Variants in ANXA6 observed in about 807,000 individuals in gnomAD.
ANXA6 encodes annexin A6, also known as 67 kDa calelectrin.
A neutral mutation model predicts 95.4 loss-of-function variants in ANXA6; 71 were observed. That is an observed-to-expected ratio of 0.74 (90% CI 0.61 to 0.91). The LOEUF (loss-of-function observed/expected upper bound fraction) is 0.91, where lower values mean the gene tolerates loss of function less well. ANXA6 is among the 40% of genes least tolerant of loss of function. The pLI is 0.00. For missense variants in ANXA6, 830 were observed against 876.4 expected (o/e 0.95, Z 0.67); for synonymous variants, 289 against 315.9 (o/e 0.91, Z 0.90).
intron 7 of ANXA6, 94 bp from the exon 8 acceptor site, chr5:151,134,577 C>G (rs1765605694): frequency 7.8e-7 from 1 of 1,283,336 alleles, no homozygotes; most frequent in Admixed American, 1.7e-5. Context: ...AGCAGGAAAA[C>G]CCTGGTGGCC....
At chr5:151,138,125 C>T (rs138007320) in intron 5 of ANXA6, among the ~76,000 whole-genome samples, 24 of 152,302 alleles carry the variant, frequency 1.6e-4, no homozygotes, top group African/African-American at 5.8e-4. Flanking sequence ...ACTTTATAGA[C>T]TGTAAAGTGC....
In ANXA6 at chr5:151,101,392, T is replaced by A. The variant is rs987837108; in HGVS notation, c.*56A>T. 5 of 1,109,570 alleles carry A rather than the reference T, an allele frequency of 4.5e-6. No homozygotes were observed. Among genetic ancestry groups the A allele is most frequent in the Non-Finnish European group, 4.9e-6 (4 of 809,658 alleles). 68.7% of individuals were successfully genotyped at this position (1,109,570 alleles called of 1,614,324 possible). The stretch of plus-strand genomic sequence containing the variant: ...GAGCTGGAACAATCAGGCTTGGCCA[T>A]GGCGGCTGGTGCTGATAACCATTTC... On this transcript the variant is annotated 3_prime_UTR_variant, in exon 26 of 26. Coordinates refer to ENST00000354546, the MANE Select transcript of ANXA6 (RefSeq NM_001155.5).
chr5:151,111,495 G>A (rs1764847999), intron 20 of ANXA6, among the ~76,000 whole-genome samples: 1 of 152,218 alleles, frequency 6.6e-6, no homozygotes, highest in Admixed American at 6.5e-5. Context: ...AAAGGCATAT[G>A]CCATTTGATC....
In ANXA6 at chr5:151,100,862, CAG is replaced by C. The variant is rs1164544258; in HGVS notation, c.*584_*585del. On this transcript the variant is annotated 3_prime_UTR_variant, in exon 26 of 26. Transcript: ENST00000354546. The stretch of plus-strand genomic sequence containing the variant: ...CATTGTAGATAAGAAAATAGAGACT[CAG>C]GGAGGGAAAGGGGCTGGCCTAAGGT... 2.2e-6 allele frequency: 1 copy of C among 456,016 alleles called. No individual in the cohort carries two copies. The highest frequency in any genetic ancestry group is 6.9e-5 in the East Asian group (1 of 14,404). The allele number at this position is 456,016 out of a possible 1,614,324, so 28.2% of individuals were successfully genotyped here. A position where few individuals can be genotyped will look rare whatever the true frequency, so the allele number is the denominator to read the frequency against.
At chr5:151,133,269 G>T in intron 8 of ANXA6, 82 bp from the exon 9 acceptor site, 1 of 908,506 alleles carries the variant, frequency 1.1e-6, no homozygotes, top group Non-Finnish European at 1.8e-6. Context: ...CAGAACTGCT[G>T]CCTGATCCCT....
At chr5:151,124,825 A>C (rs1765273139) in intron 14 of ANXA6, among the ~76,000 whole-genome samples, 1 of 152,150 alleles carries the variant, frequency 6.6e-6, no homozygotes, top group African/African-American at 2.4e-5. Context: ...GAGTTTCCCA[A>C]ATTTCAGTCA....
At chr5:151,131,418 G>C in intron 10 of ANXA6, 129 bp from the exon 11 acceptor site, 2 of 920,414 alleles carry the variant, frequency 2.2e-6, no homozygotes, top group Non-Finnish European at 3.5e-6. Flanking sequence ...CACCGTTCCT[G>C]ATAGCTCACA....
intron 1 of ANXA6, among the ~76,000 whole-genome samples, chr5:151,148,786 G>A (rs1766032790): frequency 6.6e-6 from 1 of 152,158 alleles, no homozygotes; most frequent in African/African-American, 2.4e-5. Flanking sequence ...GTGCAAGTGA[G>A]GAACCACCAC....
chr5:151,126,657 C>A (rs569673870), intron 13 of ANXA6, among the ~76,000 whole-genome samples, 177 bp from the exon 14 acceptor site: 12 of 152,258 alleles, frequency 7.9e-5, no homozygotes, highest in African/African-American at 2.9e-4. Flanking sequence ...TCGCCAGAGT[C>A]CTCCCTCCAT....
At chr5:151,142,558 T>C (rs1480930165) in intron 2 of ANXA6, among the ~76,000 whole-genome samples, 2 of 151,984 alleles carry the variant, frequency 1.3e-5, no homozygotes, top group Non-Finnish European at 2.9e-5. Flanking sequence ...GACCTTTTAG[T>C]TCAGCTTCCC....
chr5:151,127,385 T>C (rs1765354370), intron 13 of ANXA6, among the ~76,000 whole-genome samples: 1 of 152,230 alleles, frequency 6.6e-6, no homozygotes, highest in Non-Finnish European at 1.5e-5. Context: ...AATGTCCCAA[T>C]TTAACATTCT....
chr5:151,141,539 G>C (rs1421003090), intron 2 of ANXA6: 1 of 985,396 alleles, frequency 1.0e-6, no homozygotes, highest in East Asian at 1.1e-4. Context: ...TTGCCTTCAA[G>C]GAGTCAGAGG....
chr5:151,122,889 C>G (rs1387945410), intron 16 of ANXA6, 28 bp downstream of exon 16: 1 of 1,604,812 alleles, frequency 6.2e-7, no homozygotes, highest in Non-Finnish European at 8.5e-7. Context: ...ATGCATGTTG[C>G]ACAGAGAGCC....
intron 20 of ANXA6, among the ~76,000 whole-genome samples, chr5:151,114,269 G>C (rs1427364541): frequency 1.3e-5 from 2 of 152,104 alleles, no homozygotes; most frequent in Non-Finnish European, 2.9e-5. Flanking sequence ...CACTTTAAAT[G>C]GGTCAATAGT....
At chr5:151,105,377 C>A in intron 23 of ANXA6, 74 bp from the exon 24 acceptor site, 1 of 1,330,612 alleles carries the variant, frequency 7.5e-7, no homozygotes, top group South Asian at 1.2e-5. Context: ...CGGCCTCCCC[C>A]ATCTCCCCAC....
intron 14 of ANXA6, among the ~76,000 whole-genome samples, chr5:151,125,939 C>G (rs1162819522): frequency 6.6e-6 from 1 of 152,136 alleles, no homozygotes; most frequent in Non-Finnish European, 1.5e-5. Flanking sequence ...TTGTGTGGAC[C>G]AAGTGTTGCA....
intron 20 of ANXA6, among the ~76,000 whole-genome samples, chr5:151,113,692 T>G (rs2113903346): frequency 6.6e-6 from 1 of 152,342 alleles, no homozygotes; most frequent in Non-Finnish European, 1.5e-5. Context: ...AAAAGCTTGT[T>G]CTTATTAGCC....
intron 9 of ANXA6, among the ~76,000 whole-genome samples, chr5:151,132,793 A>G (rs560840942): frequency 1.2e-4 from 19 of 152,162 alleles, no homozygotes; most frequent in Admixed American, 1.2e-3. Context: ...CCTAACATGG[A>G]GACAGGACTG....
chr5:151,126,131 C>T (rs935868127), intron 14 of ANXA6, among the ~76,000 whole-genome samples: 23 of 152,272 alleles, frequency 1.5e-4, no homozygotes, highest in African/African-American at 5.1e-4. Flanking sequence ...ACGGGACAGG[C>T]CCCTCCATGG....
Sources: allele counts gnomAD v4.1 joint callset (sites outside exome capture counted in the v4.1 genomes callset), GRCh38; gene constraint gnomAD v4.1.1; transcripts MANE v1.5; gene names NCBI Gene and HGNC (gene_info 2026-07-23, HGNC 2026-07-21).